PPFIBP2: variants seen among roughly 807,000 people sequenced by gnomAD.
PPFIBP2 encodes PPFIB scaffold protein 2, also known as liprin-beta-2.
In PPFIBP2, 118 loss-of-function variants were observed where a neutral mutation model predicts 118.3. The observed-to-expected ratio is 1.00, with a 90% CI of 0.86 to 1.16. The LOEUF (loss-of-function observed/expected upper bound fraction) is 1.16, where lower values mean the gene tolerates loss of function less well. Among genes scored for constraint, PPFIBP2 ranks in the 50% most tolerant of loss-of-function variants. PPFIBP2 has a pLI of 0.00. For missense variants in PPFIBP2, 1,195 were observed against 1,073.1 expected (o/e 1.11, Z -1.59); for synonymous variants, 414 against 397.4 (o/e 1.04, Z -0.50).
chr11:7,661,012 A>C (rs1409490028), downstream of PPFIBP2, among the ~76,000 whole-genome samples: 1 of 151,410 alleles, frequency 6.6e-6, no homozygotes, highest in Non-Finnish European at 1.5e-5. Flanking sequence ...ATCATTTTTT[A>C]TTGTGTCTAT....
intron 1 of PPFIBP2, among the ~76,000 whole-genome samples, chr11:7,530,432 A>C (rs918162358): frequency 6.6e-6 from 1 of 152,218 alleles, no homozygotes; most frequent in Non-Finnish European, 1.5e-5. Flanking sequence ...TGATGGTATT[A>C]GGAGGTGGGG....
chr11:7,534,770 C>T (rs1851052185), intron 1 of PPFIBP2, among the ~76,000 whole-genome samples: 1 of 152,322 alleles, frequency 6.6e-6, no homozygotes, highest in East Asian at 1.9e-4. Flanking sequence ...CAAGGCTGGT[C>T]CATAAGCCAG....
intron 2 of PPFIBP2, 111 bp from the exon 3 acceptor site, chr11:7,565,442 C>T: frequency 8.8e-7 from 1 of 1,134,736 alleles, no homozygotes; most frequent in Non-Finnish European, 1.3e-6. Context: ...AGCTCACCCC[C>T]AGCTTCTTAT....
chr11:7,666,378 G>T, the PPFIBP2 span: 1 of 962,572 alleles, frequency 1.0e-6, no homozygotes, highest in Non-Finnish European at 1.7e-6. Flanking sequence ...AAAACAAAGA[G>T]ACAGAGACCA....
chr11:7,649,196 A>C lies in PPFIBP2; in HGVS notation c.1959A>C (p.Glu653Asp). The change falls in exon 20 of 24, where the codon GAA becomes GAC. Residue 653 changes from glutamate to aspartate, a missense_variant. Physicochemically the swap from Glu to Asp is conservative, Grantham distance 45. Coordinates refer to ENST00000299492, the MANE Select transcript of PPFIBP2 (RefSeq NM_003621.5). ...GLPQYKDQFH[E>D]SRVDRRMLQY... is the part of the protein sequence containing the mutation. ...CCCAGTACAAAGACCAGTTTCATGA[A>C]TCTAGAGTTGACAGACGAATGCTGC... 1 of 1,614,098 alleles carries C rather than the reference A, an allele frequency of 6.2e-7. No homozygotes were observed. Among genetic ancestry groups the C allele is most frequent in the Non-Finnish European group, 8.5e-7 (1 of 1,179,972 alleles).
At chr11:7,571,757 T>G (rs1290795238) in intron 3 of PPFIBP2, 2 of 152,218 alleles carry the variant, frequency 1.3e-5, no homozygotes, top group East Asian at 1.9e-4. Flanking sequence ...CCGTGCTTTC[T>G]TTCTGCGCTC....
intron 1 of PPFIBP2, among the ~76,000 whole-genome samples, chr11:7,526,265 C>A (rs1850215752): frequency 6.6e-6 from 1 of 152,074 alleles, no homozygotes; most frequent in Non-Finnish European, 1.5e-5. Flanking sequence ...GGGGTGGGAT[C>A]CTGGGGAGCT....
chr11:7,556,204 C>G (rs898238287), intron 2 of PPFIBP2, among the ~76,000 whole-genome samples: 6 of 152,198 alleles, frequency 3.9e-5, no homozygotes, highest in Non-Finnish European at 7.4e-5. Context: ...GCTTGTAATC[C>G]CAGCACTTTG....
At chr11:7,571,132 C>G (rs1855606314) in intron 3 of PPFIBP2, among the ~76,000 whole-genome samples, 1 of 152,188 alleles carries the variant, frequency 6.6e-6, no homozygotes, top group African/African-American at 2.4e-5. Flanking sequence ...GCAGCCTCTG[C>G]TGGCCCCAGC....
chr11:7,659,501 A>G (rs1854846354), downstream of PPFIBP2, among the ~76,000 whole-genome samples: 3 of 150,040 alleles, frequency 2.0e-5, no homozygotes, highest in Admixed American at 6.6e-5. Flanking sequence ...TGTTCCATTG[A>G]TCTATATCTC....
chr11:7,520,608 A>G (rs944647243), intron 1 of PPFIBP2, among the ~76,000 whole-genome samples: 1 of 152,102 alleles, frequency 6.6e-6, no homozygotes, highest in Non-Finnish European at 1.5e-5. Context: ...AGGAAGCACT[A>G]ATATAAACAC....
chr11:7,514,409 A>C lies in PPFIBP2; in HGVS notation c.-37+288A>C, dbSNP rs560105335. Among the ~76,000 whole-genome samples the C allele has an allele frequency of 2.6e-5, 4 of 152,324 alleles. No individual in the cohort carries two copies. In the East Asian group the frequency reaches 7.7e-4, roughly 29 times the overall value. On this transcript the variant is annotated intron_variant, in intron 1 of 23. Transcript: ENST00000299492. The stretch of plus-strand genomic sequence containing the variant: ...GACAGTCCGCACTCCTGCAGGTGCC[A>C]GCGTGGCCCTGGAGATGCGCAGGGA...
At chr11:7,589,517 C>T (rs766445346) in intron 3 of PPFIBP2, among the ~76,000 whole-genome samples, 2 of 151,842 alleles carry the variant, frequency 1.3e-5, no homozygotes, top group Non-Finnish European at 2.9e-5. Flanking sequence ...CGCTTGAACC[C>T]AGGAGGCAGA....
At chr11:7,598,440 G>A (rs1860804902) in intron 5 of PPFIBP2, 1 of 153,366 alleles carries the variant, frequency 6.5e-6, no homozygotes, top group South Asian at 2.0e-4. Context: ...TTTTTAGGAA[G>A]GGGTGTTGAA....
chr11:7,527,659 G>T (rs1374039009), intron 1 of PPFIBP2, among the ~76,000 whole-genome samples: 1 of 152,072 alleles, frequency 6.6e-6, no homozygotes. Flanking sequence ...ATGTTGGGGG[G>T]GCCTGGCTTG....
chr11:7,597,413 C>A, intron 4 of PPFIBP2, 147 bp from the exon 5 acceptor site: 1 of 1,537,716 alleles, frequency 6.5e-7, no homozygotes, highest in Non-Finnish European at 8.7e-7. Flanking sequence ...CAGGACACTT[C>A]CTCCACCTGC....
chr11:7,651,827 A>G lies in PPFIBP2; in HGVS notation c.2419A>G (p.Thr807Ala). The change falls in exon 23 of 24, where the codon ACC becomes GCC. Residue 807 changes from threonine to alanine, a missense_variant. Thr to Ala is a moderately conservative substitution (Grantham distance 58, BLOSUM62 0). Coordinates refer to ENST00000299492, the MANE Select transcript of PPFIBP2 (RefSeq NM_003621.5). ...CTCACCAGCTTACACACCACTGACC[A>G]CCACAGCCAAAGTCCGGGTGAGTTG... ...MASPAYTPLTTTAKVRPRKLG... is the reference protein window; with the variant it reads ...MASPAYTPLTATAKVRPRKLG... 6.2e-7 allele frequency: 1 copy of G among 1,610,724 alleles called. No homozygotes were observed. Among genetic ancestry groups the G allele is most frequent in the Non-Finnish European group, 8.5e-7 (1 of 1,177,436 alleles).
In PPFIBP2 at chr11:7,616,633, G is replaced by T. The variant is rs930866799; in HGVS notation, c.619-4302G>T. Among the ~76,000 whole-genome samples the T allele has an allele frequency of 1.3e-5, 2 of 152,202 alleles. No homozygotes were observed. The highest frequency in any genetic ancestry group is 2.9e-5 in the Non-Finnish European group (2 of 68,040). On this transcript the variant is annotated intron_variant, in intron 6 of 23. Coordinates refer to ENST00000299492, the MANE Select transcript of PPFIBP2 (RefSeq NM_003621.5). The surrounding 1 kb of genome is among the most constrained non-coding windows in gnomAD (Gnocchi z 5.2). ...ATAGGCATATTGATGCCTGAGTTCA[G>T]GGTTTGGGTACATATTGTCATGGAT...
intron 3 of PPFIBP2, chr11:7,576,581 C>G (rs1055000172): frequency 6.6e-6 from 1 of 152,542 alleles, no homozygotes; most frequent in Non-Finnish European, 1.5e-5. Context: ...CATGGAAATG[C>G]ACGTGAAGCA....
Sources: gnomAD v4.1 joint callset for allele counts (sites outside exome capture counted in the v4.1 genomes callset) on GRCh38, gnomAD v4.1.1 for gene constraint, Gnocchi (gnomAD v3.1) non-coding constraint, MANE v1.5 for transcripts, NCBI Gene and HGNC (gene_info 2026-07-23, HGNC 2026-07-21) for gene names.